EYA1: variants seen among roughly 807,000 people sequenced by gnomAD.
The protein encoded by EYA1 is EYA transcriptional coactivator and phosphatase 1, also known as protein phosphatase EYA1.
EYA1 carries 16 observed loss-of-function variants against 82.0 expected under a neutral mutation model. The observed-to-expected ratio is 0.20, with a 90% CI of 0.13 to 0.30. The LOEUF (loss-of-function observed/expected upper bound fraction) is 0.30, where lower values mean the gene tolerates loss of function less well. Ranked by LOEUF, EYA1 falls within the 10% of genes least tolerant of loss-of-function variation. EYA1 has a pLI of 1.00. For synonymous variants in EYA1, 261 were observed against 264.4 expected, an observed-to-expected ratio of 0.99 and a Z score of 0.12; for missense variants, 633 against 730.7, an observed-to-expected ratio of 0.87 and a Z score of 1.54.
At chr8:71,453,752 C>T (rs1673563296) in intron 2 of EYA1, among the ~76,000 whole-genome samples, 2 of 152,172 alleles carry the variant, frequency 1.3e-5, no homozygotes, top group Admixed American at 1.3e-4. Flanking sequence ...ACCTGCCCTA[C>T]AAGCGCTCCT....
intron 3 of EYA1, among the ~76,000 whole-genome samples, chr8:71,353,195 G>A (rs141399031): frequency 1.8e-3 from 278 of 152,248 alleles, no homozygotes; most frequent in African/African-American, 5.9e-3. Flanking sequence ...CTGCCCTCAC[G>A]CTGACTCCTG....
At chr8:71,514,242 G>T (rs963411192) in intron 2 of EYA1, among the ~76,000 whole-genome samples, 7 of 151,992 alleles carry the variant, frequency 4.6e-5, no homozygotes, top group Admixed American at 4.6e-4. Flanking sequence ...TCTTGAGATT[G>T]TCTTTTATAA....
chr8:71,276,635 G>C (rs1817209276), intron 9 of EYA1, among the ~76,000 whole-genome samples: 1 of 152,086 alleles, frequency 6.6e-6, no homozygotes. Flanking sequence ...ATTATATCTT[G>C]CCTTAATTCT....
intron 2 of EYA1, among the ~76,000 whole-genome samples, chr8:71,373,118 T>A (rs1828179526): frequency 2.0e-5 from 3 of 152,104 alleles, no homozygotes; most frequent in Admixed American, 2.0e-4. Flanking sequence ...TTCAAAATAG[T>A]ACTTGAAGTA....
Position 71,325,375 on chromosome 8 carries a change from T to A in EYA1, c.203-3107A>T, listed in dbSNP as rs80314371. Among the ~76,000 whole-genome samples the A allele has an allele frequency of 8.7e-3, 1,324 of 152,302 alleles. 5 individuals carry two copies. The highest frequency in any genetic ancestry group is 0.014 in the Non-Finnish European group (941 of 68,012). ...GCAATGTAGCACCCCCAACATTGCA[T>A]TATAACTAGCGTATGTAGTGTATAG... On this transcript the variant is annotated intron_variant, in intron 4 of 17. Transcript: ENST00000340726.
chr8:71,254,934 T>C (rs2128922584), intron 11 of EYA1, among the ~76,000 whole-genome samples: 1 of 151,050 alleles, frequency 6.6e-6, no homozygotes, highest in East Asian at 2.0e-4. Flanking sequence ...AAATCAGTTG[T>C]GTTTCTATAC....
At chr8:71,493,112 G>T (rs1031473032) in intron 2 of EYA1, among the ~76,000 whole-genome samples, 1 of 152,308 alleles carries the variant, frequency 6.6e-6, no homozygotes, top group East Asian at 1.9e-4. Flanking sequence ...TTTTATGGCT[G>T]TATAGTATTC....
chr8:71,494,045 A>AAAAAAAAAAAAAAAAAAG (rs1811228674), intron 2 of EYA1, among the ~76,000 whole-genome samples: 1 of 148,170 alleles, frequency 6.7e-6, no homozygotes, highest in Non-Finnish European at 1.5e-5. Flanking sequence ...AAAAAAAAAA[A>AAAAAAAAAAAAAAAAAAG]GAGGCTTTTT....
intron 2 of EYA1, among the ~76,000 whole-genome samples, chr8:71,381,804 C>T (rs915349831): frequency 6.6e-6 from 1 of 152,220 alleles, no homozygotes; most frequent in Non-Finnish European, 1.5e-5. Flanking sequence ...AACTCCCTAT[C>T]ATACACAATC....
At chr8:71,294,558 C>T (rs974577304) in intron 9 of EYA1, among the ~76,000 whole-genome samples, 11 of 151,944 alleles carry the variant, frequency 7.2e-5, no homozygotes. Flanking sequence ...TATATATAAG[C>T]TTTATGTGAG....
chr8:71,396,785 C>T (rs1174207982), intron 2 of EYA1, among the ~76,000 whole-genome samples: 4 of 152,200 alleles, frequency 2.6e-5, no homozygotes, highest in African/African-American at 9.7e-5. Context: ...GTGCAGAGTT[C>T]TGTAGATGTC....
intron 2 of EYA1, among the ~76,000 whole-genome samples, chr8:71,386,410 C>T (rs1361497279): frequency 6.6e-6 from 1 of 152,200 alleles, no homozygotes; most frequent in Non-Finnish European, 1.5e-5. Context: ...GTTGCTGGCT[C>T]TTCCAAGGTT....
chr8:71,331,462 G>C (rs189180620), intron 4 of EYA1, among the ~76,000 whole-genome samples: 2 of 144,258 alleles, frequency 1.4e-5, no homozygotes, highest in Admixed American at 1.4e-4. Flanking sequence ...GACTTTAAAA[G>C]TATTACTTTT....
At chr8:71,342,669 T>C (rs1366642178) in intron 3 of EYA1, among the ~76,000 whole-genome samples, 1 of 152,174 alleles carries the variant, frequency 6.6e-6, no homozygotes, top group Non-Finnish European at 1.5e-5. Context: ...TAACAGAATG[T>C]CCATATGTGA....
chr8:71,448,028 T>TTTTTTTTTTTTTTAGGTAA (rs1807040097), intron 2 of EYA1, among the ~76,000 whole-genome samples: 3 of 148,838 alleles, frequency 2.0e-5, no homozygotes, highest in South Asian at 2.1e-4. Flanking sequence ...TTTTTTTTTC[T>TTTTTTTTTTTTTTAGGTAA]CGCTCCGTTG....
chr8:71,199,504 G>T, intron 17 of EYA1, 84 bp from the exon 18 acceptor site: 1 of 830,030 alleles, frequency 1.2e-6, no homozygotes. Flanking sequence ...CTCCCATGCT[G>T]ACCCCCATTT....
chr8:71,478,267 G>GA (rs1414041701), intron 2 of EYA1, among the ~76,000 whole-genome samples: 1 of 152,026 alleles, frequency 6.6e-6, no homozygotes, highest in Non-Finnish European at 1.5e-5. Context: ...CTGGTAAGGA[G>GA]AAAAAATAGG....
At chr8:71,312,596 C>T (rs538668232) in intron 7 of EYA1, among the ~76,000 whole-genome samples, 1 of 152,226 alleles carries the variant, frequency 6.6e-6, no homozygotes, top group East Asian at 1.9e-4. Flanking sequence ...TGACATTACA[C>T]CTGGCTAATT....
At chr8:71,325,833 T>G (rs1235774547) in intron 4 of EYA1, among the ~76,000 whole-genome samples, 8 of 152,188 alleles carry the variant, frequency 5.3e-5, no homozygotes. Flanking sequence ...ACAATCTCTG[T>G]GTGGCCTGTA....
Sources: allele counts gnomAD v4.1 joint callset (sites outside exome capture counted in the v4.1 genomes callset), GRCh38; gene constraint gnomAD v4.1.1; transcripts MANE v1.5; gene names NCBI Gene and HGNC (gene_info 2026-07-23, HGNC 2026-07-21).